Variants in TBCCD1 observed in about 807,000 individuals in gnomAD.
The protein encoded by TBCCD1 is TBCC domain containing 1, also known as TBCC domain-containing protein 1.
A neutral mutation model predicts 53.4 loss-of-function variants in TBCCD1; 26 were observed. The ratio of observed to expected loss-of-function variants is 0.49; its 90% confidence interval spans 0.36 to 0.68. The LOEUF is 0.68. Ranked by LOEUF, TBCCD1 falls within the 30% of genes least tolerant of loss-of-function variation. TBCCD1 has a pLI of 0.00. For missense variants in TBCCD1, 558 were observed against 669.5 expected (o/e 0.83, Z 1.84); for synonymous variants, 245 against 241.7 (o/e 1.01, Z -0.13).
chr3:186,561,796 AAAT>A (rs1317938531), intron 2 of TBCCD1, among the ~76,000 whole-genome samples: 2 of 152,146 alleles, frequency 1.3e-5, no homozygotes, highest in East Asian at 3.9e-4. Context: ...CTCAAAAAAA[AAAT>A]AAATAAATAG....
chr3:186,556,339 ATATAT>A, intron 4 of TBCCD1, 65 bp downstream of exon 4: 1 of 1,531,424 alleles, frequency 6.5e-7, no homozygotes, highest in Non-Finnish European at 8.7e-7. Context: ...GAGATCACTA[ATATAT>A]TAGAAAACAC....
rs756113555 is a variant in TBCCD1 at position 186,556,694 on chromosome 3, G to C, written c.574C>G (p.Leu192Val). 3.1e-6 allele frequency: 5 copies of C among 1,614,164 alleles called. No individual in the cohort carries two copies. The Admixed American group carries it at 8.3e-5, about 27-fold the overall frequency. ...LLELLLDPKQ[L>V]TASFHSTHSS... ...TGGGTTGAATGAAATGATGCAGTGA[G>C]TTGTTTTGGATCTAAAAGCAGCTCG... The change falls in exon 4 of 8, where the codon CTC becomes GTC. Residue 192 changes from leucine to valine, a missense_variant. Leu to Val is a conservative substitution (Grantham distance 32, BLOSUM62 1). Transcript: ENST00000338733.
At chr3:186,553,754 G>C (rs1198457674) in intron 6 of TBCCD1, among the ~76,000 whole-genome samples, 1 of 152,154 alleles carries the variant, frequency 6.6e-6, no homozygotes, top group African/African-American at 2.4e-5. Context: ...CTTAAGAAAA[G>C]GGAGTCTAAT....
At chr3:186,550,742 T>C (rs544795457) in intron 7 of TBCCD1, among the ~76,000 whole-genome samples, 67 of 152,362 alleles carry the variant, frequency 4.4e-4, no homozygotes, top group Non-Finnish European at 8.2e-4. Flanking sequence ...TGCTAATATG[T>C]GTAATTAGCA....
rs1045301332 is a variant in TBCCD1 at position 186,546,130 on chromosome 3, A to C, written c.*847T>G. 1 of 152,214 alleles carries C rather than the reference A, an allele frequency of 6.6e-6. No individual in the cohort carries two copies. Among genetic ancestry groups the C allele is most frequent in the African/African-American group, 2.4e-5 (1 of 41,468 alleles). 9.4% of individuals were successfully genotyped at this position (152,214 alleles called of 1,614,324 possible). The stretch of plus-strand genomic sequence containing the variant: ...GTGAAAAATAAAGATTTTTTTAAAC[A>C]ATTTCATTAAGTTCCATACTTTAAG... On this transcript the variant is annotated 3_prime_UTR_variant, in exon 8 of 8. Coordinates refer to ENST00000338733, the MANE Select transcript of TBCCD1 (RefSeq NM_018138.5).
In TBCCD1 at chr3:186,555,077, C is replaced by T. The variant is rs763311281; in HGVS notation, c.867G>A (p.Gly289=). 6 of 1,594,392 alleles carry T rather than the reference C, an allele frequency of 3.8e-6. No homozygotes were observed. The Admixed American group carries it at 1.1e-4, about 29-fold the overall frequency. Residue 289 remains glycine, a synonymous_variant, in exon 5 of 8, where the codon GGG becomes GGA. Transcript: ENST00000338733. ...KKLAWAHQVE[G]TTKRAKIACN... is the part of the protein sequence containing the mutation. ...AAGCAATCTTAGCTCTTTTGGTGGT[C>T]CCTTCAACTATTTAAGAAAACATAT...
At chr3:186,558,663 G>A (rs1714609701) in intron 2 of TBCCD1, 91 bp from the exon 3 acceptor site, 3 of 1,434,414 alleles carry the variant, frequency 2.1e-6, no homozygotes, top group Non-Finnish European at 2.8e-6. Flanking sequence ...TTCACAAGTT[G>A]GCTGATCCTA....
chr3:186,561,008 TG>T (rs1311533777), intron 2 of TBCCD1, among the ~76,000 whole-genome samples: 1 of 152,120 alleles, frequency 6.6e-6, no homozygotes, highest in Admixed American at 6.5e-5. Flanking sequence ...AGGGGTGAAA[TG>T]GTAAAACTCC....
rs573827160 is a variant in TBCCD1, at chr3:186,554,237, T to G, written c.1544+17A>C. The G allele has an allele frequency of 2.7e-5, 43 of 1,608,386 alleles. No homozygotes were observed. The South Asian group carries it at 3.8e-4, about 14-fold the overall frequency. On this transcript the variant is annotated intron_variant, in intron 6 of 7. Transcript: ENST00000338733. ...TTTCACAAAAAACACAAACTGTTAC[T>G]TGTAAAAAATACTCACTTTGTCAAA...
chr3:186,548,441 A>T (rs1714274822), intron 7 of TBCCD1, among the ~76,000 whole-genome samples: 1 of 152,222 alleles, frequency 6.6e-6, no homozygotes, highest in Non-Finnish European at 1.5e-5. Flanking sequence ...TAGATTTTTT[A>T]GTGGTGATAG....
Position 186,556,415 on chromosome 3 carries a change from G to A in TBCCD1, c.853C>T (p.His285Tyr), listed in dbSNP as rs1714540517. The change falls in exon 4 of 8, where the codon CAT becomes TAT. Residue 285 changes from histidine (H) to tyrosine (Y), a missense_variant. Coordinates refer to ENST00000338733, the MANE Select transcript of TBCCD1 (RefSeq NM_018138.5). ...LKSGKKLAWA[H>Y]QVEGTTKRAK... ...TTAAAATATTAAAAAATACCTTGATGAGCCCAAGCCAATTTCTTTCCAGAC... is the reference window on the plus strand; with the variant it reads ...TTAAAATATTAAAAAATACCTTGATAAGCCCAAGCCAATTTCTTTCCAGAC... 6.3e-7 allele frequency: 1 copy of A among 1,581,296 alleles called. No individual in the cohort carries two copies. The highest frequency in any genetic ancestry group is 8.5e-7 in the Non-Finnish European group (1 of 1,172,846).
intron 2 of TBCCD1, among the ~76,000 whole-genome samples, chr3:186,559,168 T>C (rs1260336342): frequency 6.6e-6 from 1 of 152,196 alleles, no homozygotes; most frequent in African/African-American, 2.4e-5. Context: ...TTAAGTACAT[T>C]ATTTCAGAAG....
intron 6 of TBCCD1, chr3:186,553,304 T>C (rs931611387): frequency 1.7e-4 from 26 of 152,228 alleles, no homozygotes; most frequent in Admixed American, 1.6e-3. Flanking sequence ...GTAGAGAATC[T>C]AACCATTTAA....
upstream of TBCCD1, among the ~76,000 whole-genome samples, chr3:186,568,159 A>G (rs1714892576): frequency 6.6e-6 from 1 of 152,204 alleles, no homozygotes; most frequent in African/African-American, 2.4e-5. Flanking sequence ...GTTAGGATCC[A>G]GGCTGCACCA....
chr3:186,565,647 G>T (rs921761039), intron 1 of TBCCD1, among the ~76,000 whole-genome samples: 3 of 152,110 alleles, frequency 2.0e-5, no homozygotes, highest in Non-Finnish European at 2.9e-5. Flanking sequence ...TACGTGGGGG[G>T]CTCACTGATT....
At chr3:186,560,866 T>A (rs1467555153) in intron 2 of TBCCD1, among the ~76,000 whole-genome samples, 3 of 152,154 alleles carry the variant, frequency 2.0e-5, no homozygotes, top group Non-Finnish European at 2.9e-5. Context: ...GTGTCAAGAA[T>A]ACAAAACGCA....
intron 2 of TBCCD1, among the ~76,000 whole-genome samples, chr3:186,563,157 A>C (rs1714733840): frequency 6.6e-6 from 1 of 152,252 alleles, no homozygotes; most frequent in African/African-American, 2.4e-5. Context: ...AGCAGCCCAG[A>C]GATTTGTCCA....
In TBCCD1 at chr3:186,554,992, G is replaced by C. The variant is rs748650186; in HGVS notation, c.952C>G (p.Gln318Glu). Residue 318 changes from glutamine (Q) to glutamate (E), a missense_variant, in exon 5 of 8, where the codon CAG (glutamine) becomes GAG (glutamate). Physicochemically the swap from Gln to Glu is conservative, Grantham distance 29 (BLOSUM62 2). Transcript: ENST00000338733. ...GTGTCTGAGCTCTTAGCCAGTGTCT[G>C]CTTGTAAACCTGGCTCATCACTACC... ...RLVVMSQVYK[Q>E]TLAKSSDTLA... 6.2e-7 allele frequency: 1 copy of C among 1,613,892 alleles called. No individual in the cohort carries two copies. The highest frequency in any genetic ancestry group is 8.5e-7 in the Non-Finnish European group (1 of 1,180,032).
upstream of TBCCD1, chr3:186,570,410 A>C: frequency 2.1e-6 from 1 of 477,752 alleles, no homozygotes; most frequent in Non-Finnish European, 3.7e-6. Context: ...AGTCCGAGGA[A>C]GTGGGCAAGC....
Sources: gnomAD v4.1 joint callset for allele counts (sites outside exome capture counted in the v4.1 genomes callset) on GRCh38, gnomAD v4.1.1 for gene constraint, MANE v1.5 for transcripts, NCBI Gene and HGNC (gene_info 2026-07-23, HGNC 2026-07-21) for gene names.